Variants in HACE1 observed in about 807,000 individuals in gnomAD.
HACE1 encodes the protein E3 ubiquitin-protein ligase HACE1.
Under a neutral mutation model 118.4 loss-of-function variants are expected in HACE1, and 73 were observed. The observed-to-expected ratio is 0.62, with a 90% confidence interval of 0.51 to 0.75. HACE1 has a LOEUF of 0.75. HACE1 is among the 30% of genes least tolerant of loss of function. The probability of loss-of-function intolerance (pLI) is 0.00; values close to 1 mark genes in which losing one functional copy is unlikely to be tolerated. For missense variants in HACE1, 749 were observed against 1,102.2 expected (o/e 0.68, Z 4.54); for synonymous variants, 368 against 374.8 (o/e 0.98, Z 0.21).
intron 6 of HACE1, among the ~76,000 whole-genome samples, chr6:104,832,348 T>C (rs571173836): frequency 6.6e-6 from 1 of 151,914 alleles, no homozygotes; most frequent in Non-Finnish European, 1.5e-5. Context: ...TACAAATATT[T>C]TGAACAGATA....
intron 19 of HACE1, among the ~76,000 whole-genome samples, chr6:104,756,713 C>T (rs1204454629): frequency 6.6e-6 from 1 of 152,066 alleles, no homozygotes. Context: ...GTGCAGCCCA[C>T]GGAGGGCGAG....
At chr6:104,732,980 A>T (rs1278234524) in intron 22 of HACE1, among the ~76,000 whole-genome samples, 1 of 152,220 alleles carries the variant, frequency 6.6e-6, no homozygotes, top group Non-Finnish European at 1.5e-5. Context: ...CAGCAAGAGA[A>T]TATATACAGA....
chr6:104,806,778 A>C (rs926368190), intron 7 of HACE1, among the ~76,000 whole-genome samples: 1 of 152,288 alleles, frequency 6.6e-6, no homozygotes, highest in African/African-American at 2.4e-5. Context: ...AAAACTAAGA[A>C]GTCAACAAAA....
chr6:104,810,701 C>T (rs1224125769), intron 7 of HACE1, among the ~76,000 whole-genome samples: 1 of 151,870 alleles, frequency 6.6e-6, no homozygotes, highest in Non-Finnish European at 1.5e-5. Flanking sequence ...ACACAGTGAG[C>T]GTTAACTAAA....
chr6:104,822,222 A>AT (rs1297984667), intron 6 of HACE1, among the ~76,000 whole-genome samples: 1 of 149,106 alleles, frequency 6.7e-6, no homozygotes, highest in African/African-American at 2.5e-5. Flanking sequence ...AAAAAAAAAA[A>AT]ATACAAAAAA....
intron 22 of HACE1, among the ~76,000 whole-genome samples, chr6:104,739,649 A>G (rs1380553153): frequency 1.1e-3 from 171 of 150,392 alleles, no homozygotes; most frequent in Non-Finnish European, 1.5e-3. Flanking sequence ...CAATACAGGA[A>G]CACCAAGATT....
chr6:104,761,371 C>G (rs1380948418), intron 19 of HACE1, among the ~76,000 whole-genome samples: 1 of 152,164 alleles, frequency 6.6e-6, no homozygotes, highest in Non-Finnish European at 1.5e-5. Context: ...TGGAACAGAA[C>G]AGAGCCCTCA....
chr6:104,765,064 G>C (rs556195948), intron 19 of HACE1, among the ~76,000 whole-genome samples: 18 of 152,182 alleles, frequency 1.2e-4, no homozygotes, highest in Non-Finnish European at 2.6e-4. Context: ...ATTCTTCACT[G>C]ATCTAATGTG....
rs137973780 is a variant in HACE1, at chr6:104,810,862, A to G, written c.617+449T>C. Among the ~76,000 whole-genome samples, 266 of 152,224 alleles carry G rather than the reference A, an allele frequency of 1.7e-3. 1 individual carries two copies. Among genetic ancestry groups the G allele is most frequent in the African/African-American group, 6.1e-3 (253 of 41,560 alleles). Reference sequence around the variant, plus strand: ...TTATAGATACAGAGAAAGAAAAGACATGGCTCTGGATCAAGATATATTCCA... The same window carrying G: ...TTATAGATACAGAGAAAGAAAAGACGTGGCTCTGGATCAAGATATATTCCA... On this transcript the variant is annotated intron_variant, in intron 7 of 23. Coordinates refer to ENST00000262903, the MANE Select transcript of HACE1 (RefSeq NM_020771.4).
In HACE1 at chr6:104,763,286, A is replaced by C. The variant is rs141628349; in HGVS notation, c.2211+7907T>G. Among the ~76,000 whole-genome samples, 192 of 152,302 alleles carry C rather than the reference A, an allele frequency of 1.3e-3. 2 individuals are homozygous for C. In the East Asian group the frequency reaches 0.03, roughly 24 times the overall value. On this transcript the variant is annotated intron_variant, in intron 19 of 23. Transcript: ENST00000262903. ...TTTAAAAGTTTTCAGAGTAGTAAAA[A>C]AACAAATCTCATAGTACAGATTGAG...
intron 22 of HACE1, chr6:104,732,271 G>A (rs1354437927): frequency 1.3e-5 from 2 of 152,128 alleles, no homozygotes; most frequent in Non-Finnish European, 2.9e-5. Context: ...GCATACAGCA[G>A]CATTATTCAC....
In HACE1 at chr6:104,728,156, T is replaced by C; in HGVS notation, c.*1506A>G. ...TAACTACTTGCAAAAAAAACTAATA[T>C]GACAAAGCCAATGTATTATATGGTT... On this transcript the variant is annotated 3_prime_UTR_variant, in exon 24 of 24. Transcript: ENST00000262903. 1 of 152,140 alleles carries C rather than the reference T, an allele frequency of 6.6e-6. No homozygotes were observed. The highest frequency in any genetic ancestry group is 1.9e-4 in the East Asian group (1 of 5,198). The allele number at this position is 152,140 out of a possible 1,614,324, so 9.4% of individuals were successfully genotyped here.
intron 6 of HACE1, among the ~76,000 whole-genome samples, chr6:104,831,980 G>GAAGAGAAGAGAAGAGGAGGAAGGA (rs71003447): frequency 2.2e-4 from 14 of 62,928 alleles, no homozygotes; most frequent in South Asian, 5.7e-4. Flanking sequence ...GAAGAGAAGA[G>GAAGAGAAGAGAAGAGGAGGAAGGA]AGGAAGGAAG....
intron 2 of HACE1, 89 bp downstream of exon 2, chr6:104,852,228 T>TGG (rs142463116): frequency 1.6e-6 from 1 of 612,022 alleles, no homozygotes; most frequent in East Asian, 3.1e-5. Context: ...TGTGTGTGTG[T>TGG]GCGCGCGTGC....
chr6:104,816,129 A>G (rs1772090702), intron 6 of HACE1, among the ~76,000 whole-genome samples: 1 of 152,132 alleles, frequency 6.6e-6, no homozygotes, highest in South Asian at 2.1e-4. Flanking sequence ...CAGCCTGACC[A>G]TGCAGTAGAA....
At chr6:104,857,682 A>G (rs1776863817) in intron 1 of HACE1, among the ~76,000 whole-genome samples, 5 of 151,104 alleles carry the variant, frequency 3.3e-5, no homozygotes, top group South Asian at 2.1e-4. Context: ...GGGGCGGGGC[A>G]CGGTGGCTCA....
At chr6:104,828,917 C>T (rs187839599) in intron 6 of HACE1, among the ~76,000 whole-genome samples, 137 of 152,018 alleles carry the variant, frequency 9.0e-4, no homozygotes, top group African/African-American at 3.1e-3. Context: ...TAGCTAGTTG[C>T]TCAAAATGTT....
Position 104,811,355 on chromosome 6 carries a change from G to A in HACE1, c.573C>T (p.Asn191=), listed in dbSNP as rs544979242. ...GAGTTGCTCCTGATACATTTGGCCTGTTAATATCAGCACCACTGTCTAGCA... is the reference window on the plus strand; with the variant it reads ...GAGTTGCTCCTGATACATTTGGCCTATTAATATCAGCACCACTGTCTAGCA... The part of the protein sequence containing the change: ...QCLLDSGADI[N]RPNVSGATPL... The change falls in exon 7 of 24, where the codon AAC becomes AAT. Residue 191 remains asparagine (N), a synonymous_variant. Coordinates refer to ENST00000262903, the MANE Select transcript of HACE1 (RefSeq NM_020771.4). 1.1e-4 allele frequency: 171 copies of A among 1,553,600 alleles called. No homozygotes were observed. The highest frequency in any genetic ancestry group is 1.5e-4 in the Non-Finnish European group (167 of 1,127,334).
At chr6:104,734,719 C>G (rs1016490244) in intron 22 of HACE1, among the ~76,000 whole-genome samples, 1 of 152,120 alleles carries the variant, frequency 6.6e-6, no homozygotes, top group African/African-American at 2.4e-5. Context: ...AAATAGCACA[C>G]CTCTTTTTCA....
Sources: allele counts gnomAD v4.1 joint callset (sites outside exome capture counted in the v4.1 genomes callset), GRCh38; gene constraint gnomAD v4.1.1; transcripts MANE v1.5; gene names NCBI Gene and HGNC (gene_info 2026-07-23, HGNC 2026-07-21).